The following ATXN2L variants were observed in gnomAD, a reference collection of about 807,000 sequenced individuals.
ATXN2L encodes the protein ataxin 2 like.
Under a neutral mutation model 120.7 loss-of-function variants are expected in ATXN2L, and 24 were observed. That is an observed-to-expected ratio of 0.20 (90% CI 0.14 to 0.28). The LOEUF (loss-of-function observed/expected upper bound fraction) is 0.28. Among genes scored for constraint, ATXN2L ranks in the 10% least tolerant of loss-of-function variants. The probability of loss-of-function intolerance (pLI) is 1.00; values close to 1 mark genes in which losing one functional copy is unlikely to be tolerated. For synonymous variants in ATXN2L, 653 were observed against 568.1 expected, an observed-to-expected ratio of 1.15 and a Z score of -2.13; for missense variants, 1,312 against 1,432.3, an observed-to-expected ratio of 0.92 and a Z score of 1.36.
intron 5 of ATXN2L, 152 bp from the exon 6 acceptor site, chr16:28,826,710 C>G (rs763158921): frequency 3.3e-6 from 3 of 911,366 alleles, no homozygotes; most frequent in East Asian, 5.6e-5. Flanking sequence ...TCTTGCCTCC[C>G]CACCCCCTGG....
chr16:28,833,178 G>C lies in ATXN2L; in HGVS notation c.1779G>C (p.Gly593=). ...VDGLLTSEPM[G]SPVSSKTESV... Reference sequence around the variant, plus strand: ...GTCTGTTGACTTCAGAGCCCATGGGGTCTCCCGTCTCCTCCAAGACAGAGT... The same window carrying C: ...GTCTGTTGACTTCAGAGCCCATGGGCTCTCCCGTCTCCTCCAAGACAGAGT... The change falls in exon 14 of 22, where the codon GGG becomes GGC. Residue 593 remains glycine (G), a synonymous_variant. Transcript: ENST00000336783. 6.2e-7 allele frequency: 1 copy of C among 1,614,192 alleles called. No homozygotes were observed. The highest frequency in any genetic ancestry group is 8.5e-7 in the Non-Finnish European group (1 of 1,180,044).
rs771448002 is a variant in ATXN2L at position 28,833,425 on chromosome 16, A to T, written c.1956-14A>T. On this transcript the variant is annotated splice_polypyrimidine_tract_variant and intron_variant, in intron 14 of 21. Transcript: ENST00000336783. ...AGAGCAAGCCGTGAAGATTTACTGT[A>T]CTTTCTCTCACAGACAAGTAAAGAA... 3 of 1,614,018 alleles carry T rather than the reference A, an allele frequency of 1.9e-6. No homozygotes were observed. The African/African-American group carries it at 4.0e-5, about 22-fold the overall frequency.
chr16:28,833,441 A>G lies in ATXN2L; in HGVS notation c.1958A>G (p.Gln653Arg). ...ATTTACTGTACTTTCTCTCACAGAC[A>G]AGTAAAGAAATCAACGTTGAACCCT... The part of the protein sequence containing the change: ...EDKDEGPVAE[Q>R]VKKSTLNPNA... Residue 653 changes from glutamine (Q) to arginine (R), a missense_variant and splice_region_variant, in exon 15 of 22, where the codon CAA becomes CGA. By Grantham distance (43) the Gln-to-Arg change is conservative (BLOSUM62 1). Coordinates refer to ENST00000336783, the MANE Select transcript of ATXN2L (RefSeq NM_007245.4). The G allele has an allele frequency of 6.2e-7, 1 of 1,614,202 alleles. No individual in the cohort carries two copies. Among genetic ancestry groups the G allele is most frequent in the Non-Finnish European group, 8.5e-7 (1 of 1,180,036 alleles).
chr16:28,832,294 G>C lies in ATXN2L; in HGVS notation c.1411G>C (p.Val471Leu). The change falls in exon 11 of 22, where the codon GTG becomes CTG. Residue 471 changes from valine (V) to leucine (L), a missense_variant. By Grantham distance (32) the Val-to-Leu change is conservative. Coordinates refer to ENST00000336783, the MANE Select transcript of ATXN2L (RefSeq NM_007245.4). The part of the protein sequence containing the change: ...SCPEPPIGSA[V>L]PTSSASIPVT... ...TCCAGAGCCTCCCATCGGCTCGGCAGTGCCAACCTCTTCAGCCTCCATCCC... is the reference window on the plus strand; with the variant it reads ...TCCAGAGCCTCCCATCGGCTCGGCACTGCCAACCTCTTCAGCCTCCATCCC... 6.2e-7 allele frequency: 1 copy of C among 1,614,114 alleles called. No individual in the cohort carries two copies. The highest frequency in any genetic ancestry group is 8.5e-7 in the Non-Finnish European group (1 of 1,180,030).
intron 1 of ATXN2L, 97 bp from the exon 2 acceptor site, chr16:28,825,266 GCAT>G (rs2051433322): frequency 3.6e-6 from 4 of 1,103,114 alleles, no homozygotes; most frequent in Non-Finnish European, 5.4e-6. Flanking sequence ...GTCTAAATCA[GCAT>G]CATCAGGTGG....
Position 28,836,739 on chromosome 16 carries a change from C to T in ATXN2L, c.*474C>T, listed in dbSNP as rs1216791835. On this transcript the variant is annotated 3_prime_UTR_variant, in exon 22 of 22. Coordinates refer to ENST00000336783, the MANE Select transcript of ATXN2L (RefSeq NM_007245.4). ...TCCCCTCCAACCAGTTCAATCTCAT[C>T]CCTCCCAGCAGCTCCCCTTCCACCC... 1 of 1,613,918 alleles carries T rather than the reference C, an allele frequency of 6.2e-7. No individual in the cohort carries two copies. The highest frequency in any genetic ancestry group is 1.3e-5 in the African/African-American group (1 of 74,866).
At chr16:28,832,669 T>C in intron 12 of ATXN2L, 102 bp downstream of exon 12, 3 of 1,422,374 alleles carry the variant, frequency 2.1e-6, no homozygotes, top group Non-Finnish European at 3.0e-6. Context: ...ACAATGTCTA[T>C]CAGTCCTTGG....
chr16:28,835,345 C>T lies in ATXN2L; in HGVS notation c.2631C>T (p.Thr877=). ...QLHAHQPQPA[T]TPTGSQPQSQ... ...ATGCCCACCAGCCGCAGCCGGCTAC[C>T]ACGCCTACTGGAAGCCAGCCGCAGT... The change falls in exon 20 of 22, where the codon ACC becomes ACT. Residue 877 remains threonine (T), a synonymous_variant. Coordinates refer to ENST00000336783, the MANE Select transcript of ATXN2L (RefSeq NM_007245.4). 1 of 1,613,524 alleles carries T rather than the reference C, an allele frequency of 6.2e-7. No homozygotes were observed. The highest frequency in any genetic ancestry group is 8.5e-7 in the Non-Finnish European group (1 of 1,179,950).
intron 12 of ATXN2L, 110 bp from the exon 13 acceptor site, chr16:28,832,707 A>G (rs561954069): frequency 1.8e-4 from 258 of 1,417,366 alleles, no homozygotes; most frequent in Non-Finnish European, 2.3e-4. Context: ...GTGATCCTCA[A>G]GAGTTTCTCT....
Position 28,836,607 on chromosome 16 carries a change from C to A in ATXN2L, c.*342C>A. Reference sequence around the variant, plus strand: ...CCTGTGCTTCTGACAGCCCCCGAGACACCTTGAGGAGGCCGCTCCTTCCCA... The same window carrying A: ...CCTGTGCTTCTGACAGCCCCCGAGAAACCTTGAGGAGGCCGCTCCTTCCCA... On this transcript the variant is annotated 3_prime_UTR_variant, in exon 22 of 22. Transcript: ENST00000336783. The A allele has an allele frequency of 6.3e-7, 1 of 1,588,092 alleles. No homozygotes were observed. Among genetic ancestry groups the A allele is most frequent in the Non-Finnish European group, 8.5e-7 (1 of 1,170,020 alleles).
rs142953622 is a variant in ATXN2L at position 28,826,267 on chromosome 16, C to T, written c.493C>T (p.Arg165Trp). 31 of 1,614,114 alleles carry T rather than the reference C, an allele frequency of 1.9e-5. No homozygotes were observed. Among genetic ancestry groups the T allele is most frequent in the Admixed American group, 1.2e-4 (7 of 60,010 alleles). The change falls in exon 5 of 22, where the codon CGG becomes TGG. Residue 165 changes from arginine (R) to tryptophan (W), a missense_variant. Coordinates refer to ENST00000336783, the MANE Select transcript of ATXN2L (RefSeq NM_007245.4). ...KFELAVDAVHRKASEPAGGPR... is the reference protein window; with the variant it reads ...KFELAVDAVHWKASEPAGGPR... ...TGAACTAGCCGTGGATGCTGTGCAC[C>T]GGAAAGCATCTGAGCCAGCAGGTGG...
chr16:28,830,534 G>A (rs2053991756), intron 8 of ATXN2L, 81 bp from the exon 9 acceptor site: 1 of 1,369,736 alleles, frequency 7.3e-7, no homozygotes, highest in East Asian at 2.4e-5. Flanking sequence ...AGAAGGGGGA[G>A]ACTTTAGAAG....
Position 28,836,580 on chromosome 16 carries a change from G to T in ATXN2L, c.*315G>T. 1 of 1,571,150 alleles carries T rather than the reference G, an allele frequency of 6.4e-7. No individual in the cohort carries two copies. The highest frequency in any genetic ancestry group is 1.1e-5 in the South Asian group (1 of 86,982). ...TCTGGCTTACTGGGAAACAGCGATT[G>T]ACCTGTGCTTCTGACAGCCCCCGAG... On this transcript the variant is annotated 3_prime_UTR_variant, in exon 22 of 22. Transcript: ENST00000336783.
chr16:28,830,681 C>T lies in ATXN2L; in HGVS notation c.1101C>T (p.Ser367=), dbSNP rs766564692. Residue 367 remains serine, a synonymous_variant, in exon 9 of 22, where the codon AGC becomes AGT. Transcript: ENST00000336783. ...GTCCCCGGGGAGGAGTTCGATGCAG[C>T]AGCTCTCGGGGCGGTCGGCCTGGCC... The part of the protein sequence containing the change: ...REGPRGGVRC[S]SSRGGRPGLS... 4 of 1,613,686 alleles carry T rather than the reference C, an allele frequency of 2.5e-6. No individual in the cohort carries two copies. The East Asian group carries it at 8.9e-5, about 36-fold the overall frequency.
rs62036626 is a variant in ATXN2L, at chr16:28,832,963, A to G, written c.1659+76A>G. On this transcript the variant is annotated intron_variant, in intron 13 of 21. Transcript: ENST00000336783. ...GTTCGTAGATGAGGCAAAGGACTAG[A>G]TAGGAGTCAAAGAGATGAGATCAAA... 591,500 of 1,591,868 alleles carry G rather than the reference A, an allele frequency of 0.37. 114,836 individuals carry two copies. Among genetic ancestry groups the G allele is most frequent in the Admixed American group, 0.47 (27,843 of 59,388 alleles).
Position 28,835,749 on chromosome 16 carries a change from T to C in ATXN2L, c.2886T>C (p.His962=). ...QLPHGFTNMA[H]VTQAHVQTGI... ...CCCACGGCTTCACCAACATGGCCCA[T>C]GTTACCCAGGTAAGAGCCCAGCTGT... Residue 962 remains histidine, a synonymous_variant, in exon 21 of 22, where the codon CAT becomes CAC. Coordinates refer to ENST00000336783, the MANE Select transcript of ATXN2L (RefSeq NM_007245.4). 1 of 1,614,104 alleles carries C rather than the reference T, an allele frequency of 6.2e-7. No homozygotes were observed. Among genetic ancestry groups the C allele is most frequent in the East Asian group, 2.2e-5 (1 of 44,884 alleles).
Position 28,831,087 on chromosome 16 carries a change from G to C in ATXN2L, c.1321+15G>C. The C allele has an allele frequency of 1.3e-6, 2 of 1,538,314 alleles. No individual in the cohort carries two copies. The highest frequency in any genetic ancestry group is 1.8e-6 in the Non-Finnish European group (2 of 1,121,880). ...TCCTCCTGCAGGTAAAGCTTTAGTA[G>C]TGTTGGATGAAGAAATGGATGGAAA... is the stretch of plus-strand genomic sequence containing the variant. On this transcript the variant is annotated intron_variant, in intron 10 of 21. Transcript: ENST00000336783.
intron 6 of ATXN2L, 70 bp downstream of exon 6, chr16:28,827,056 T>A: frequency 7.5e-7 from 1 of 1,330,558 alleles, no homozygotes; most frequent in East Asian, 2.7e-5. Context: ...GAGGTTCATT[T>A]GAGTGGGGAG....
chr16:28,823,027 C>A lies in ATXN2L; in HGVS notation c.-233C>A. ...GACGCGCACGCGCGCCAGCCCGGCT[C>A]GCGCCCTCTCGCTTTCCTCCAGCCG... On this transcript the variant is annotated 5_prime_UTR_variant, in exon 1 of 22. Transcript: ENST00000336783. The A allele has an allele frequency of 3.7e-6, 1 of 267,286 alleles. No homozygotes were observed. The highest frequency in any genetic ancestry group is 7.0e-6 in the Non-Finnish European group (1 of 143,270). The allele number at this position is 267,286 out of a possible 1,614,324, so 16.6% of individuals were successfully genotyped here. A position where few individuals can be genotyped will look rare whatever the true frequency, so the allele number is the denominator to read the frequency against.
Sources: allele counts gnomAD v4.1 joint callset, GRCh38; gene constraint gnomAD v4.1.1; transcripts MANE v1.5; gene names NCBI Gene and HGNC (gene_info 2026-07-23, HGNC 2026-07-21).